The following BRAF variants were observed in gnomAD, a reference collection of about 807,000 sequenced individuals.
The protein encoded by BRAF is B-Raf proto-oncogene, serine/threonine kinase.
A neutral mutation model predicts 104.6 loss-of-function variants in BRAF; 16 were observed. The observed-to-expected ratio is 0.15, with a 90% CI of 0.10 to 0.23. The LOEUF (loss-of-function observed/expected upper bound fraction) is 0.23, where lower values mean the gene tolerates loss of function less well. Among genes scored for constraint, BRAF ranks in the 10% least tolerant of loss-of-function variants. The pLI, the probability that BRAF is intolerant of heterozygous loss-of-function variation, is 1.00. For synonymous variants in BRAF, 310 were observed against 341.6 expected (o/e 0.91, Z 1.02); for missense variants, 541 against 937.3 (o/e 0.58, Z 5.52).
intron 8 of BRAF, among the ~76,000 whole-genome samples, chr7:140,792,683 T>C (rs149829246): frequency 2.0e-5 from 3 of 152,366 alleles, no homozygotes; most frequent in Non-Finnish European, 4.4e-5. Flanking sequence ...TGTAATTATC[T>C]ATTTAAATGT....
intron 17 of BRAF, among the ~76,000 whole-genome samples, chr7:140,744,793 T>A (rs1797218849): frequency 6.6e-6 from 1 of 152,194 alleles, no homozygotes; most frequent in Non-Finnish European, 1.5e-5. Context: ...CCAATATAAT[T>A]TTACATTCTA....
At chr7:140,736,111 T>C (rs1482600806) in intron 18 of BRAF, among the ~76,000 whole-genome samples, 2 of 148,792 alleles carry the variant, frequency 1.3e-5, no homozygotes, top group African/African-American at 2.5e-5. Flanking sequence ...CACTCTATTG[T>C]CCAGGCTGGA....
At chr7:140,802,947 CT>C (rs1803283671) in intron 5 of BRAF, among the ~76,000 whole-genome samples, 1 of 152,172 alleles carries the variant, frequency 6.6e-6, no homozygotes, top group Non-Finnish European at 1.5e-5. Flanking sequence ...CCTAAAAGCT[CT>C]GTTCATATTA....
At chr7:140,737,212 T>G (rs931660486) in intron 18 of BRAF, among the ~76,000 whole-genome samples, 4 of 152,218 alleles carry the variant, frequency 2.6e-5, no homozygotes. Context: ...TGAAATAGGT[T>G]ACATAGCACA....
In BRAF at chr7:140,794,322, G is replaced by A; in HGVS notation, c.1126C>T (p.Pro376Ser). The A allele has an allele frequency of 6.2e-7, 1 of 1,613,930 alleles. No individual in the cohort carries two copies. ...TGGATACTTACATCAATATTGACAG[G>A]TTCTATTGTGTTTATATGCACATTG... ...APNVHINTIE[P>S]VNIDDLIRDQ... The change falls in exon 8 of 20, where the codon CCT becomes TCT. Residue 376 changes from proline to serine, a missense_variant. Coordinates refer to ENST00000644969, the MANE Select transcript of BRAF (RefSeq NM_001374258.1).
chr7:140,780,079 C>A (rs1192679476), intron 12 of BRAF, among the ~76,000 whole-genome samples: 2 of 151,996 alleles, frequency 1.3e-5, no homozygotes, highest in African/African-American at 4.8e-5. Context: ...TACTGTACAG[C>A]ACTTAAGAAA....
At chr7:140,740,175 T>A in intron 17 of BRAF, 1 of 509,444 alleles carries the variant, frequency 2.0e-6, no homozygotes, top group East Asian at 3.4e-5. Context: ...AAAGGTTCTC[T>A]AATTGCTCCC....
rs1382087442 is a variant in BRAF, at chr7:140,764,511, C to T, written c.1815-10278G>A. Among the ~76,000 whole-genome samples, 1 of 151,090 alleles carries T rather than the reference C, an allele frequency of 6.6e-6. No individual in the cohort carries two copies. Among genetic ancestry groups the T allele is most frequent in the East Asian group, 1.9e-4 (1 of 5,182 alleles). On this transcript the variant is annotated intron_variant, in intron 14 of 19. Coordinates refer to ENST00000644969, the MANE Select transcript of BRAF (RefSeq NM_001374258.1). ...TAGGAAAAGAGGAAGTCAAATTGTC[C>T]CTGTTTGCAGACGACATGATTGTAT...
At chr7:140,736,432 C>CT (rs555561950) in intron 18 of BRAF, among the ~76,000 whole-genome samples, 163 of 132,454 alleles carry the variant, frequency 1.2e-3, no homozygotes, top group Admixed American at 1.5e-3. Context: ...CTGAACACCA[C>CT]TTTTTTTTTT....
intron 7 of BRAF, among the ~76,000 whole-genome samples, chr7:140,795,167 A>G (rs1802378079): frequency 6.6e-6 from 1 of 152,238 alleles, no homozygotes; most frequent in African/African-American, 2.4e-5. Context: ...TGCTATTTGG[A>G]AAATCACCAA....
At chr7:140,878,416 C>A (rs1011930213) in intron 1 of BRAF, among the ~76,000 whole-genome samples, 5 of 152,014 alleles carry the variant, frequency 3.3e-5, no homozygotes, top group Non-Finnish European at 7.4e-5. Flanking sequence ...ACTGACAAAT[C>A]ATTCTTCAAC....
At chr7:140,783,351 G>A (rs1051064434) in intron 10 of BRAF, 194 bp from the exon 10 acceptor site, 2 of 632,886 alleles carry the variant, frequency 3.2e-6, no homozygotes, top group South Asian at 2.1e-5. Context: ...TAGTTTTCTG[G>A]CCAATTTAAT....
chr7:140,795,198 C>T (rs1214207691), intron 7 of BRAF, among the ~76,000 whole-genome samples: 4 of 152,134 alleles, frequency 2.6e-5, no homozygotes, highest in East Asian at 1.9e-4. Flanking sequence ...ATACCTATTT[C>T]GGTATGGTAG....
chr7:140,750,607 G>C (rs1212189121), intron 16 of BRAF, among the ~76,000 whole-genome samples: 2 of 152,182 alleles, frequency 1.3e-5, no homozygotes, highest in Non-Finnish European at 2.9e-5. Context: ...GGAGAAGGTT[G>C]TATCTACTTC....
chr7:140,816,348 A>G (rs2129052354), intron 3 of BRAF, among the ~76,000 whole-genome samples: 1 of 152,316 alleles, frequency 6.6e-6, no homozygotes, highest in East Asian at 1.9e-4. Context: ...AAATAAAAGG[A>G]GAGGGAAGGT....
intron 2 of BRAF, among the ~76,000 whole-genome samples, chr7:140,848,235 T>C (rs1430912269): frequency 3.3e-5 from 5 of 151,834 alleles, no homozygotes; most frequent in Non-Finnish European, 7.4e-5. Flanking sequence ...ATGATAAAGG[T>C]AGAATAAGAT....
intron 19 of BRAF, chr7:140,726,628 T>G (rs1795613232): frequency 1.0e-6 from 1 of 962,344 alleles, no homozygotes; most frequent in African/African-American, 1.6e-5. Flanking sequence ...ATATTTCAAG[T>G]CTAGCAACAG....
the BRAF span, among the ~76,000 whole-genome samples, chr7:140,713,770 G>C: frequency 2.6e-4 from 40 of 152,136 alleles, no homozygotes; most frequent in African/African-American, 9.6e-4. Flanking sequence ...TGATGGTGAC[G>C]TACATATGGG....
chr7:140,809,197 AAAGTT>A (rs1375280136), intron 3 of BRAF, among the ~76,000 whole-genome samples: 21 of 152,348 alleles, frequency 1.4e-4, no homozygotes, highest in African/African-American at 5.1e-4. Flanking sequence ...AAATCAAAGC[AAAGTT>A]AATTTTCTAT....
Sources: allele counts gnomAD v4.1 joint callset (sites outside exome capture counted in the v4.1 genomes callset), GRCh38; gene constraint gnomAD v4.1.1; transcripts MANE v1.5; gene names NCBI Gene and HGNC (gene_info 2026-07-23, HGNC 2026-07-21).